GFM2: variants seen among roughly 807,000 people sequenced by gnomAD.
GFM2 encodes ribosome-releasing factor 2, mitochondrial.
GFM2 carries 72 observed loss-of-function variants against 95.4 expected under a neutral mutation model. The observed-to-expected ratio is 0.76, with a 90% CI of 0.62 to 0.92. GFM2 has a LOEUF of 0.92. Among genes scored for constraint, GFM2 ranks in the 40% least tolerant of loss-of-function variants. The pLI, the probability that GFM2 is intolerant of heterozygous loss-of-function variation, is 0.00. For missense variants in GFM2, 825 were observed against 924.1 expected (o/e 0.89, Z 1.39); for synonymous variants, 276 against 317.5 (o/e 0.87, Z 1.39).
chr5:74,735,064 C>T (rs996870817), intron 15 of GFM2, among the ~76,000 whole-genome samples: 4 of 152,150 alleles, frequency 2.6e-5, no homozygotes, highest in African/African-American at 7.2e-5. Flanking sequence ...TGGGCAGCCC[C>T]TGCTCTTAAA....
At position 74,722,496 on chromosome 5, in the gene GFM2, T is replaced by C; in HGVS notation, c.2094A>G (p.Arg698=). ...PLMNLEVTVA[R]DYLSPVLADL... ...CTGCCAGGACAGGGCTGAGATAATC[T>C]CTAGCTACTGTAACCTCAAGATTCA... The change falls in exon 20 of 21, where the codon AGA becomes AGG. Residue 698 remains arginine, a synonymous_variant. Transcript: ENST00000296805. 1 of 1,614,028 alleles carries C rather than the reference T, an allele frequency of 6.2e-7. No homozygotes were observed. Among genetic ancestry groups the C allele is most frequent in the African/African-American group, 1.3e-5 (1 of 75,046 alleles).
chr5:74,748,943 TAAAA>T (rs1561253995), intron 7 of GFM2, among the ~76,000 whole-genome samples: 1 of 134,678 alleles, frequency 7.4e-6, no homozygotes, highest in African/African-American at 3.1e-5. Context: ...AAATAAAAAA[TAAAA>T]TAAAATAAAA....
intron 5 of GFM2, among the ~76,000 whole-genome samples, chr5:74,752,290 AAG>A (rs1258595991): frequency 6.6e-6 from 1 of 152,226 alleles, no homozygotes; most frequent in African/African-American, 2.4e-5. Context: ...TAGACAGTAA[AAG>A]AAATAAACAG....
chr5:74,741,437 TAA>T, intron 11 of GFM2, 90 bp downstream of exon 11: 2 of 600,380 alleles, frequency 3.3e-6, no homozygotes, highest in Admixed American at 3.3e-5. Context: ...ATGCAAAGTT[TAA>T]AAAAAAAATG....
intron 5 of GFM2, among the ~76,000 whole-genome samples, chr5:74,757,590 G>A (rs938725556): frequency 6.6e-5 from 10 of 151,930 alleles, no homozygotes; most frequent in Non-Finnish European, 2.9e-5. Context: ...TTAGCCAAGT[G>A]TGGTGGCACC....
At chr5:74,763,836 T>C in intron 1 of GFM2, 70 bp from the exon 2 acceptor site, 1 of 863,172 alleles carries the variant, frequency 1.2e-6, no homozygotes, top group Non-Finnish European at 1.9e-6. Context: ...CATATGTAAG[T>C]TAGACATATG....
At chr5:74,729,881 ATATT>A (rs1334364065) in intron 17 of GFM2, among the ~76,000 whole-genome samples, 5 of 152,296 alleles carry the variant, frequency 3.3e-5, no homozygotes, top group Non-Finnish European at 5.9e-5. Flanking sequence ...TAGAATAATC[ATATT>A]TATTAAGTAC....
chr5:74,760,659 C>G (rs76560612), intron 3 of GFM2, among the ~76,000 whole-genome samples: 1 of 152,172 alleles, frequency 6.6e-6, no homozygotes, highest in Non-Finnish European at 1.5e-5. Flanking sequence ...AAACTAGCTA[C>G]TAAAGCCACC....
Position 74,725,978 on chromosome 5 carries a change from C to T in GFM2, c.1875G>A (p.Glu625=). The T allele has an allele frequency of 6.2e-7, 1 of 1,612,610 alleles. No homozygotes were observed. Among genetic ancestry groups the T allele is most frequent in the Non-Finnish European group, 8.5e-7 (1 of 1,179,570 alleles). ...INEGLLKVSQ[E]AIENGIHSAC... ...CGCTGTGAATTCCATTTTCAATGGC[C>T]TCTTGGGAGACCTTCAAAAGGCCTT... Residue 625 remains glutamate (E), a synonymous_variant, in exon 18 of 21, where the codon GAG becomes GAA. Transcript: ENST00000296805.
intron 1 of GFM2, 70 bp downstream of exon 1, chr5:74,766,868 G>C (rs1408042260): frequency 1.3e-5 from 2 of 152,946 alleles, no homozygotes; most frequent in Admixed American, 1.3e-4. Context: ...CAGCCTGAAA[G>C]GTCAGCGGTA....
chr5:74,751,297 A>G (rs1743692354), intron 6 of GFM2, 71 bp downstream of exon 6: 3 of 1,501,700 alleles, frequency 2.0e-6, no homozygotes, highest in Non-Finnish European at 2.7e-6. Flanking sequence ...AAAAAGCAAA[A>G]CAAAAACCCC....
intron 19 of GFM2, 39 bp from the exon 20 acceptor site, chr5:74,722,600 TAAAA>T: frequency 1.3e-6 from 2 of 1,523,354 alleles, no homozygotes. Flanking sequence ...CTTTCATAAA[TAAAA>T]ACTTAAAATA....
intron 5 of GFM2, among the ~76,000 whole-genome samples, chr5:74,752,787 T>C (rs1218343107): frequency 2.6e-5 from 4 of 152,138 alleles, no homozygotes; most frequent in Admixed American, 6.5e-5. Context: ...CTTCAAAAGA[T>C]AGCCGTACAA....
At chr5:74,734,214 C>A (rs1742714616) in intron 15 of GFM2, among the ~76,000 whole-genome samples, 1 of 151,622 alleles carries the variant, frequency 6.6e-6, no homozygotes, top group South Asian at 2.1e-4. Flanking sequence ...CTGAGACTTA[C>A]TGTGAAAAAA....
rs563353076 is a variant in GFM2, at chr5:74,724,735, CTA to C, written c.2028+903_2028+904del. 2.3e-3 allele frequency among the ~76,000 whole-genome samples: 346 copies of C among 152,102 alleles called. 2 individuals carry two copies. The highest frequency in any genetic ancestry group is 3.9e-3 in the Non-Finnish European group (264 of 67,980). On this transcript the variant is annotated intron_variant, in intron 19 of 20. Transcript: ENST00000296805. ...TTTGTAATTTCGGATTCAAATAAAA[CTA>C]CAGAAAATTGGGTCTCAAACACAGT...
intron 17 of GFM2, among the ~76,000 whole-genome samples, chr5:74,726,758 A>G (rs1402635236): frequency 1.3e-5 from 2 of 152,196 alleles, no homozygotes; most frequent in Admixed American, 1.3e-4. Context: ...TATGTGAGGG[A>G]CCATGTAATG....
chr5:74,741,617 G>C lies in GFM2; in HGVS notation c.850-8C>G. On this transcript the variant is annotated splice_region_variant and splice_polypyrimidine_tract_variant and intron_variant, in intron 10 of 20. Coordinates refer to ENST00000296805, the MANE Select transcript of GFM2 (RefSeq NM_032380.5). ...ATCATCCAAATCTGCAACCTATAAAGAAAGGTTTTAGAGTTCTATAACTTG... is the reference window on the plus strand; with the variant it reads ...ATCATCCAAATCTGCAACCTATAAACAAAGGTTTTAGAGTTCTATAACTTG... The C allele has an allele frequency of 1.3e-6, 2 of 1,517,886 alleles. No individual in the cohort carries two copies. The highest frequency in any genetic ancestry group is 1.8e-6 in the Non-Finnish European group (2 of 1,101,316). 94.0% of individuals were successfully genotyped at this position (1,517,886 alleles called of 1,614,324 possible). A position where few individuals can be genotyped will look rare whatever the true frequency, so the allele number is the denominator to read the frequency against.
Position 74,755,932 on chromosome 5 carries a change from C to T in GFM2, c.304+2917G>A, listed in dbSNP as rs185134955. Among the ~76,000 whole-genome samples, 548 of 152,204 alleles carry T rather than the reference C, an allele frequency of 3.6e-3. 6 individuals are homozygous for T. Among genetic ancestry groups the T allele is most frequent in the African/African-American group, 0.013 (526 of 41,534 alleles). On this transcript the variant is annotated intron_variant, in intron 5 of 20. Transcript: ENST00000296805. ...AAAGGAAAACTACAGACCAATATCC[C>T]TAATGAACACAGAAGCAAAAATCCT...
intron 2 of GFM2, among the ~76,000 whole-genome samples, chr5:74,762,743 C>T (rs1744346767): frequency 6.6e-6 from 1 of 152,200 alleles, no homozygotes; most frequent in South Asian, 2.1e-4. Context: ...TGGCTACTGA[C>T]TCATGGGTGG....
Sources: allele counts gnomAD v4.1 joint callset (sites outside exome capture counted in the v4.1 genomes callset), GRCh38; gene constraint gnomAD v4.1.1; transcripts MANE v1.5; gene names NCBI Gene and HGNC (gene_info 2026-07-23, HGNC 2026-07-21).